EBF1: variants seen among roughly 807,000 people sequenced by gnomAD.
The protein encoded by EBF1 is EBF transcription factor 1.
In EBF1, 10 loss-of-function variants were observed where a neutral mutation model predicts 68.4. The ratio of observed to expected loss-of-function variants is 0.15; its 90% CI spans 0.09 to 0.25. The LOEUF is 0.25. Among genes scored for constraint, EBF1 ranks in the 10% least tolerant of loss-of-function variants. EBF1 has a pLI of 1.00. For missense variants in EBF1, 509 were observed against 794.4 expected, an observed-to-expected ratio of 0.64 and a Z score of 4.32; for synonymous variants, 298 against 299.8, an observed-to-expected ratio of 0.99 and a Z score of 0.06.
chr5:159,089,280 C>A (rs1781216323), intron 4 of EBF1, among the ~76,000 whole-genome samples: 1 of 152,092 alleles, frequency 6.6e-6, no homozygotes, highest in African/African-American at 2.4e-5. Flanking sequence ...CTGGAAATTT[C>A]ACTGTTATGA....
intron 6 of EBF1, among the ~76,000 whole-genome samples, chr5:158,979,509 C>T (rs1757478422): frequency 6.6e-6 from 1 of 152,004 alleles, no homozygotes. Flanking sequence ...AATTATAAAT[C>T]GGTATTGATT....
intron 6 of EBF1, among the ~76,000 whole-genome samples, chr5:158,944,327 T>C (rs1814176066): frequency 6.6e-6 from 1 of 152,198 alleles, no homozygotes. Flanking sequence ...TGTTTGCTTT[T>C]TTGTTCCTGT....
intron 6 of EBF1, among the ~76,000 whole-genome samples, chr5:158,860,259 G>A (rs1794740038): frequency 6.6e-6 from 1 of 152,174 alleles, no homozygotes; most frequent in Non-Finnish European, 1.5e-5. Context: ...TAACTACTAA[G>A]GTAGACACTA....
intron 5 of EBF1, among the ~76,000 whole-genome samples, chr5:159,076,809 T>TAC (rs1234384350): frequency 6.6e-6 from 1 of 152,198 alleles, no homozygotes; most frequent in African/African-American, 2.4e-5. Context: ...AATATATATA[T>TAC]ACACACACAC....
At chr5:159,016,860 A>G (rs1202686833) in intron 6 of EBF1, among the ~76,000 whole-genome samples, 1 of 152,212 alleles carries the variant, frequency 6.6e-6, no homozygotes, top group African/African-American at 2.4e-5. Flanking sequence ...GGACAAGTAG[A>G]TAAGTTCATG....
At chr5:158,846,313 T>C (rs1021616629) in intron 6 of EBF1, among the ~76,000 whole-genome samples, 37 of 152,194 alleles carry the variant, frequency 2.4e-4, no homozygotes, top group Admixed American at 2.4e-3. Flanking sequence ...GTTGTTTCCA[T>C]AGACGGCACC....
intron 11 of EBF1, among the ~76,000 whole-genome samples, chr5:158,716,062 T>C (rs1231714816): frequency 6.6e-6 from 1 of 152,202 alleles, no homozygotes; most frequent in Non-Finnish European, 1.5e-5. Flanking sequence ...ACTTGTGAAC[T>C]TCACTCTTGT....
chr5:158,911,471 G>A (rs1161514186), intron 6 of EBF1, among the ~76,000 whole-genome samples: 1 of 151,604 alleles, frequency 6.6e-6, no homozygotes, highest in Non-Finnish European at 1.5e-5. Flanking sequence ...TTTTTTTTTA[G>A]TTTTGTTTTG....
chr5:159,002,652 T>A (rs1472944929), intron 6 of EBF1, among the ~76,000 whole-genome samples: 1 of 152,238 alleles, frequency 6.6e-6, no homozygotes, highest in Non-Finnish European at 1.5e-5. Flanking sequence ...AGTTCAAGGC[T>A]GACATAGTTT....
In EBF1 at chr5:158,989,317, C is replaced by T. The variant is rs80200664; in HGVS notation, c.554+84079G>A. Among the ~76,000 whole-genome samples the T allele has an allele frequency of 3.1e-3, 470 of 152,344 alleles. 3 individuals are homozygous for T. The highest frequency in any genetic ancestry group is 0.011 in the African/African-American group (443 of 41,572). The stretch of plus-strand genomic sequence containing the variant: ...TGTGCTTAGTTTTTAACACAATGCA[C>T]AGTCGGGCCTGAAAGCAGGCTGCTA... On this transcript the variant is annotated intron_variant, in intron 6 of 15. Coordinates refer to ENST00000313708, the MANE Select transcript of EBF1 (RefSeq NM_024007.5).
intron 11 of EBF1, among the ~76,000 whole-genome samples, chr5:158,716,449 C>T (rs373174444): frequency 6.6e-6 from 1 of 152,182 alleles, no homozygotes; most frequent in African/African-American, 2.4e-5. Context: ...TACAGCATCA[C>T]TTCAGGCCAG....
At chr5:159,037,848 G>T (rs905496600) in intron 6 of EBF1, among the ~76,000 whole-genome samples, 2 of 152,052 alleles carry the variant, frequency 1.3e-5, no homozygotes, top group Non-Finnish European at 2.9e-5. Context: ...ACCCCTCCAA[G>T]CTTCCTTATC....
intron 6 of EBF1, among the ~76,000 whole-genome samples, chr5:158,969,924 A>AGAAAGAAAGAAAGAAAG (rs1561664441): frequency 6.0e-5 from 7 of 116,006 alleles, no homozygotes; most frequent in Admixed American, 2.5e-4. Flanking sequence ...AAGAAAAAAA[A>AGAAAGAAAGAAAGAAAG]AAAAAAGGCT....
intron 10 of EBF1, among the ~76,000 whole-genome samples, chr5:158,765,626 G>A (rs1374920274): frequency 6.6e-6 from 1 of 152,106 alleles, no homozygotes; most frequent in African/African-American, 2.4e-5. Flanking sequence ...AATTACATGT[G>A]CCAGGTTGAA....
At chr5:158,793,759 C>A (rs566764732) in intron 9 of EBF1, among the ~76,000 whole-genome samples, 3 of 152,132 alleles carry the variant, frequency 2.0e-5, no homozygotes, top group African/African-American at 7.2e-5. Context: ...ACATGATGAA[C>A]CCTTAGCAAG....
chr5:158,976,436 C>A (rs1253420325), intron 6 of EBF1, among the ~76,000 whole-genome samples: 1 of 150,910 alleles, frequency 6.6e-6, no homozygotes, highest in African/African-American at 2.4e-5. Flanking sequence ...ACTTCCCCAC[C>A]CCCACCCCCA....
intron 4 of EBF1, among the ~76,000 whole-genome samples, chr5:159,094,182 A>C (rs1342673263): frequency 2.7e-5 from 4 of 146,814 alleles, no homozygotes; most frequent in Admixed American, 6.8e-5. Context: ...AAAAAAAAAA[A>C]AAAAAAAAAA....
intron 6 of EBF1, among the ~76,000 whole-genome samples, chr5:158,928,616 T>C (rs931599927): frequency 6.6e-6 from 1 of 152,220 alleles, no homozygotes; most frequent in Non-Finnish European, 1.5e-5. Flanking sequence ...GAAATTGGGA[T>C]GTCCATTCTT....
chr5:158,956,492 C>CAT (rs374705662), intron 6 of EBF1, among the ~76,000 whole-genome samples: 4 of 151,840 alleles, frequency 2.6e-5, no homozygotes, highest in African/African-American at 9.7e-5. Flanking sequence ...CACACACACA[C>CAT]GCACGCACAC....
Sources: gnomAD v4.1 joint callset for allele counts (sites outside exome capture counted in the v4.1 genomes callset) on GRCh38, gnomAD v4.1.1 for gene constraint, MANE v1.5 for transcripts, NCBI Gene and HGNC (gene_info 2026-07-23, HGNC 2026-07-21) for gene names.